CPNE4: variants seen among roughly 807,000 people sequenced by gnomAD.
CPNE4 encodes the protein copine 4, also known as copine-4.
In CPNE4, 25 loss-of-function variants were observed where a neutral mutation model predicts 67.9. The ratio of observed to expected loss-of-function variants is 0.37; its 90% CI spans 0.27 to 0.51. The LOEUF is 0.51. CPNE4 is among the 20% of genes least tolerant of loss of function. CPNE4 has a pLI of 0.93. For synonymous variants in CPNE4, 242 were observed against 244.9 expected, an observed-to-expected ratio of 0.99 and a Z score of 0.11; for missense variants, 464 against 690.8, an observed-to-expected ratio of 0.67 and a Z score of 3.68.
At chr3:131,642,789 T>C (rs950943153) in intron 7 of CPNE4, among the ~76,000 whole-genome samples, 4 of 152,164 alleles carry the variant, frequency 2.6e-5, no homozygotes, top group Admixed American at 6.5e-5. Context: ...TCTGTCATAA[T>C]TGTAAGTTTC....
At chr3:131,784,747 G>A (rs940106144) in intron 2 of CPNE4, among the ~76,000 whole-genome samples, 1 of 151,952 alleles carries the variant, frequency 6.6e-6, no homozygotes, top group Non-Finnish European at 1.5e-5. Context: ...CTTGCTTTCT[G>A]ACATCACCCC....
intron 1 of CPNE4, among the ~76,000 whole-genome samples, chr3:131,997,433 T>C (rs1399985111): frequency 1.3e-5 from 2 of 152,134 alleles, no homozygotes; most frequent in African/African-American, 4.8e-5. Context: ...AATATTCAGT[T>C]AGTTTTCCTT....
chr3:131,850,874 G>T (rs2086214664), intron 2 of CPNE4, among the ~76,000 whole-genome samples: 1 of 152,036 alleles, frequency 6.6e-6, no homozygotes, highest in Admixed American at 6.6e-5. Context: ...TTCAAACCTG[G>T]GTAATATGAT....
At chr3:131,725,986 A>G (rs1439348492) in intron 2 of CPNE4, among the ~76,000 whole-genome samples, 2 of 152,244 alleles carry the variant, frequency 1.3e-5, no homozygotes, top group East Asian at 3.8e-4. Flanking sequence ...AATGAGCCAT[A>G]TAAGAGATTT....
intron 3 of CPNE4, among the ~76,000 whole-genome samples, chr3:131,703,232 T>A (rs1447220404): frequency 1.3e-5 from 2 of 152,240 alleles, no homozygotes; most frequent in East Asian, 3.8e-4. Flanking sequence ...ACTCTCACCC[T>A]GGCTTCAGCT....
At chr3:131,989,066 A>G (rs1343410577) in intron 1 of CPNE4, among the ~76,000 whole-genome samples, 1 of 152,146 alleles carries the variant, frequency 6.6e-6, no homozygotes, top group East Asian at 1.9e-4. Context: ...CTGTTTTGCC[A>G]TTGCTGATTT....
Position 132,009,713 on chromosome 3 carries a change from C to T in CPNE4, c.-2+24854G>A, listed in dbSNP as rs142969685. On this transcript the variant is annotated intron_variant, in intron 1 of 15. Transcript: ENST00000429747. ...AAAATTATGTATGCAGAGATTTCTTCTTTAGTGGCAGGTAAACATTTAGTT... is the reference window on the plus strand; with the variant it reads ...AAAATTATGTATGCAGAGATTTCTTTTTTAGTGGCAGGTAAACATTTAGTT... Among the ~76,000 whole-genome samples the T allele has an allele frequency of 6.8e-3, 1,035 of 152,312 alleles. 16 individuals are homozygous for T. The highest frequency in any genetic ancestry group is 0.024 in the African/African-American group (980 of 41,580).
chr3:131,803,872 A>G (rs954520527), intron 2 of CPNE4, among the ~76,000 whole-genome samples: 5 of 152,252 alleles, frequency 3.3e-5, no homozygotes, highest in African/African-American at 1.2e-4. Context: ...GGAAAACCGT[A>G]AAGACTAATC....
chr3:131,821,648 G>T (rs1299944904), intron 2 of CPNE4, among the ~76,000 whole-genome samples: 1 of 152,190 alleles, frequency 6.6e-6, no homozygotes, highest in Non-Finnish European at 1.5e-5. Flanking sequence ...ACAAACTGGG[G>T]AGTAATTCCT....
intron 2 of CPNE4, among the ~76,000 whole-genome samples, chr3:131,727,455 A>G (rs978164588): frequency 6.8e-5 from 10 of 147,516 alleles, no homozygotes; most frequent in African/African-American, 2.5e-4. Flanking sequence ...ACAGAGCAAG[A>G]CTCCGTCTCA....
At chr3:131,852,545 C>G (rs1300933357) in intron 2 of CPNE4, among the ~76,000 whole-genome samples, 1 of 151,824 alleles carries the variant, frequency 6.6e-6, no homozygotes. Flanking sequence ...TATGACAAAC[C>G]TGGAGCTGAC....
At chr3:131,600,040 C>A (rs1331055086) in intron 7 of CPNE4, among the ~76,000 whole-genome samples, 1 of 152,056 alleles carries the variant, frequency 6.6e-6, no homozygotes, top group African/African-American at 2.4e-5. Flanking sequence ...TATCTCTATG[C>A]AGTTGGGTTG....
At chr3:131,877,200 T>C (rs4605590) in intron 2 of CPNE4, among the ~76,000 whole-genome samples, 96,201 of 151,804 alleles carry the variant, frequency 0.63, 30,711 homozygotes, top group Admixed American at 0.72. Flanking sequence ...ATTTTGTCCT[T>C]TAAAAAAGGA....
At chr3:131,925,393 T>G (rs1463566533) in intron 1 of CPNE4, 1 of 152,114 alleles carries the variant, frequency 6.6e-6, no homozygotes, top group Non-Finnish European at 1.5e-5. Flanking sequence ...CACAGTTAGG[T>G]CATTTGATCA....
At chr3:131,721,488 C>A (rs1345133947) in intron 3 of CPNE4, among the ~76,000 whole-genome samples, 1 of 150,768 alleles carries the variant, frequency 6.6e-6, no homozygotes, top group Non-Finnish European at 1.5e-5. Context: ...CTCCGCCTTC[C>A]GGGTTCACGC....
At chr3:131,848,887 G>A (rs1447591445) in intron 2 of CPNE4, among the ~76,000 whole-genome samples, 1 of 142,954 alleles carries the variant, frequency 7.0e-6, no homozygotes, top group Non-Finnish European at 1.5e-5. Flanking sequence ...GTGCCCATAG[G>A]GAAGGGAGGA....
intron 7 of CPNE4, among the ~76,000 whole-genome samples, chr3:131,596,620 T>A (rs1938882649): frequency 2.5e-4 from 1 of 4,068 alleles, no homozygotes; most frequent in Non-Finnish European, 5.6e-4. Flanking sequence ...AGACTCCGTC[T>A]CAAAAAAAAA....
At chr3:131,682,481 C>T (rs549675451) in intron 6 of CPNE4, among the ~76,000 whole-genome samples, 1 of 152,160 alleles carries the variant, frequency 6.6e-6, no homozygotes, top group Non-Finnish European at 1.5e-5. Context: ...CCTTTACTTT[C>T]TCCCAAACCA....
At chr3:131,985,550 A>C (rs2073021660) in intron 1 of CPNE4, among the ~76,000 whole-genome samples, 1 of 152,236 alleles carries the variant, frequency 6.6e-6, no homozygotes, top group Non-Finnish European at 1.5e-5. Context: ...AAATAGGAGT[A>C]GAAGAGCCAA....
Sources: allele counts gnomAD v4.1 joint callset (sites outside exome capture counted in the v4.1 genomes callset), GRCh38; gene constraint gnomAD v4.1.1; transcripts MANE v1.5; gene names NCBI Gene and HGNC (gene_info 2026-07-23, HGNC 2026-07-21).